Variants in KIF5C observed in about 807,000 individuals in gnomAD.
The protein encoded by KIF5C is kinesin family member 5C.
In KIF5C, 18 loss-of-function variants were observed where a neutral mutation model predicts 125.2. The ratio of observed to expected loss-of-function variants is 0.14; its 90% confidence interval spans 0.10 to 0.21. KIF5C has a LOEUF of 0.21. Among genes scored for constraint, KIF5C ranks in the 10% least tolerant of loss-of-function variants. KIF5C has a pLI of 1.00. For missense variants in KIF5C, 780 were observed against 1,183.8 expected, an observed-to-expected ratio of 0.66 and a Z score of 5.01; for synonymous variants, 405 against 434.0, an observed-to-expected ratio of 0.93 and a Z score of 0.83.
At chr2:148,883,480 G>T (rs543027318) in intron 1 of KIF5C, 1 of 151,382 alleles carries the variant, frequency 6.6e-6, no homozygotes, top group South Asian at 2.1e-4. Context: ...CAGCCTGGGC[G>T]AAAGAACGAG....
chr2:149,024,344 G>C lies in KIF5C; in HGVS notation c.*1274G>C, dbSNP rs563662253. On this transcript the variant is annotated 3_prime_UTR_variant, in exon 26 of 26. Coordinates refer to ENST00000435030, the MANE Select transcript of KIF5C (RefSeq NM_004522.3). ...GCTATTTGTTTTGACAAATTTGGGG[G>C]TAAGTCAATGACAACCAAACCAATC... 11 of 152,226 alleles carry C rather than the reference G, an allele frequency of 7.2e-5. No individual in the cohort carries two copies. The South Asian group carries it at 2.3e-3, about 32-fold the overall frequency. The allele number at this position is 152,226 out of a possible 1,614,324, so 9.4% of individuals were successfully genotyped here. A position where few individuals can be genotyped will look rare whatever the true frequency, so the allele number is the denominator to read the frequency against.
At chr2:148,893,240 C>T (rs1299169581) in intron 1 of KIF5C, among the ~76,000 whole-genome samples, 2 of 152,208 alleles carry the variant, frequency 1.3e-5, no homozygotes, top group African/African-American at 4.8e-5. Context: ...TCTTTGGTCT[C>T]TTTTGAACAC....
At chr2:148,929,945 G>C (rs905185088) in intron 3 of KIF5C, among the ~76,000 whole-genome samples, 4 of 152,136 alleles carry the variant, frequency 2.6e-5, no homozygotes, top group Non-Finnish European at 5.9e-5. Flanking sequence ...TAAAATTCAA[G>C]CTTCACTGTT....
intron 1 of KIF5C, among the ~76,000 whole-genome samples, chr2:148,881,393 C>T (rs765908800): frequency 3.3e-5 from 5 of 152,026 alleles, no homozygotes; most frequent in Middle Eastern, 3.4e-3. Context: ...TGTGCGTGTG[C>T]GTGTGTATAT....
At chr2:148,993,287 G>A (rs1277663934) in intron 16 of KIF5C, among the ~76,000 whole-genome samples, 4 of 152,204 alleles carry the variant, frequency 2.6e-5, no homozygotes, top group Admixed American at 6.5e-5. Context: ...TGACTTTGCT[G>A]TATGAGATCA....
chr2:148,903,214 T>C (rs1431051984), intron 1 of KIF5C, among the ~76,000 whole-genome samples: 1 of 152,226 alleles, frequency 6.6e-6, no homozygotes, highest in Non-Finnish European at 1.5e-5. Flanking sequence ...GCTCCATAAA[T>C]AATGCTCATG....
intron 1 of KIF5C, chr2:148,888,610 C>G (rs1036872166): frequency 1.3e-5 from 2 of 152,110 alleles, no homozygotes; most frequent in African/African-American, 4.8e-5. Context: ...CCAACCCCCA[C>G]TCAGGTCTCT....
Position 148,875,582 on chromosome 2 carries a change from A to ACCCCCCCCCCCCC in KIF5C, c.-33_-32insCCCCCCCCCCCCC. The ACCCCCCCCCCCCC allele has an allele frequency of 3.6e-6, 1 of 277,684 alleles. No homozygotes were observed. The allele number at this position is 277,684 out of a possible 1,614,324, so 17.2% of individuals were successfully genotyped here. A position where few individuals can be genotyped will look rare whatever the true frequency, so the allele number is the denominator to read the frequency against. Reference sequence around the variant, plus strand: ...TCGTCGTTCCCGGCCCCGGCCCCCCACCCATCCCCGTGCCCCCTCCCTACC... The same window carrying ACCCCCCCCCCCCC: ...TCGTCGTTCCCGGCCCCGGCCCCCCACCCCCCCCCCCCCCCCATCCCCGTGCCCCCTCCCTACC... On this transcript the variant is annotated 5_prime_UTR_variant, in exon 1 of 26. Coordinates refer to ENST00000435030, the MANE Select transcript of KIF5C (RefSeq NM_004522.3).
At chr2:148,979,175 T>C (rs964579080) in intron 13 of KIF5C, among the ~76,000 whole-genome samples, 185 bp downstream of exon 13, 3 of 152,212 alleles carry the variant, frequency 2.0e-5, no homozygotes, top group African/African-American at 4.8e-5. Context: ...AGAAAATAAA[T>C]GTCTGACTTT....
chr2:148,941,751 T>C (rs1682412369), intron 5 of KIF5C, 93 bp downstream of exon 5: 3 of 1,501,090 alleles, frequency 2.0e-6, no homozygotes, highest in South Asian at 2.6e-5. Flanking sequence ...AAGGAATTAA[T>C]GAAAATTTAT....
chr2:148,976,009 A>T (rs1269347177), intron 12 of KIF5C, among the ~76,000 whole-genome samples: 1 of 152,176 alleles, frequency 6.6e-6, no homozygotes, highest in Non-Finnish European at 1.5e-5. Context: ...CAGCAGAGAC[A>T]CAATGTGAAC....
In KIF5C at chr2:148,876,202, A is replaced by T. The variant is rs1681184873; in HGVS notation, c.126+459A>T. ...GCCTCTTCTTCTCACGACCCTAGCA[A>T]AAAAGAAAGAAAAAGGGGTACAGGA... On this transcript the variant is annotated intron_variant, in intron 1 of 25. Coordinates refer to ENST00000435030, the MANE Select transcript of KIF5C (RefSeq NM_004522.3). The surrounding 1 kb of genome is among the most constrained non-coding windows in gnomAD (Gnocchi z 4.7). Among the ~76,000 whole-genome samples the T allele has an allele frequency of 6.6e-6, 1 of 152,148 alleles. No homozygotes were observed. The highest frequency in any genetic ancestry group is 2.4e-5 in the African/African-American group (1 of 41,450).
chr2:148,883,204 G>T (rs1049911567), intron 1 of KIF5C, among the ~76,000 whole-genome samples: 9 of 152,232 alleles, frequency 5.9e-5, no homozygotes, highest in Admixed American at 4.6e-4. Context: ...CATAAAGAAG[G>T]TAAAAATTAC....
Position 148,970,554 on chromosome 2 carries a change from A to G in KIF5C, c.1118-2782A>G, listed in dbSNP as rs1030950387. On this transcript the variant is annotated intron_variant, in intron 11 of 25. Coordinates refer to ENST00000435030, the MANE Select transcript of KIF5C (RefSeq NM_004522.3). ...TACAATGTGGCTTTAGCATCCTGCC[A>G]TAGCACTGGAGATGAGAGAGTCCCT... 2.6e-5 allele frequency among the ~76,000 whole-genome samples: 4 copies of G among 152,262 alleles called. No homozygotes were observed. In the South Asian group the frequency reaches 8.3e-4, roughly 31 times the overall value.
At chr2:148,949,727 T>C (rs1682612547) in intron 8 of KIF5C, 112 bp from the exon 9 acceptor site, 2 of 1,415,988 alleles carry the variant, frequency 1.4e-6, no homozygotes, top group Admixed American at 2.6e-5. Context: ...CTACTTTTAT[T>C]TTTCCTTGCT....
intron 3 of KIF5C, among the ~76,000 whole-genome samples, chr2:148,933,638 C>T (rs1474610647): frequency 7.9e-5 from 12 of 151,038 alleles, no homozygotes; most frequent in African/African-American, 2.9e-4. Flanking sequence ...CACTACCACA[C>T]CCCACATACA....
intron 8 of KIF5C, 139 bp from the exon 9 acceptor site, chr2:148,949,700 A>G (rs961816660): frequency 4.8e-5 from 59 of 1,220,474 alleles, no homozygotes; most frequent in Non-Finnish European, 6.1e-5. Flanking sequence ...ATGGTTTTTT[A>G]TCACTGTGGG....
intron 25 of KIF5C, among the ~76,000 whole-genome samples, chr2:149,013,908 C>T (rs758172750): frequency 1.9e-4 from 29 of 152,160 alleles, no homozygotes; most frequent in Non-Finnish European, 2.8e-4. Context: ...AAGAACCACC[C>T]TCACCCATTG....
chr2:148,885,351 A>C (rs1681486596), intron 1 of KIF5C, among the ~76,000 whole-genome samples: 1 of 152,172 alleles, frequency 6.6e-6, no homozygotes, highest in South Asian at 2.1e-4. Flanking sequence ...CTGGAAAGCT[A>C]TTTAAAGAGC....
Sources: allele counts gnomAD v4.1 joint callset (sites outside exome capture counted in the v4.1 genomes callset), GRCh38; gene constraint gnomAD v4.1.1; non-coding constraint Gnocchi (gnomAD v3.1); transcripts MANE v1.5; gene names NCBI Gene and HGNC (gene_info 2026-07-23, HGNC 2026-07-21).